Variants in MBNL1 observed in about 807,000 individuals in gnomAD.
The protein encoded by MBNL1 is muscleblind like splicing regulator 1.
A neutral mutation model predicts 42.2 loss-of-function variants in MBNL1; 8 were observed. The ratio of observed to expected loss-of-function variants is 0.19; its 90% CI spans 0.11 to 0.34. The LOEUF (loss-of-function observed/expected upper bound fraction) is 0.34, where lower values mean the gene tolerates loss of function less well. Among genes scored for constraint, MBNL1 ranks in the 10% least tolerant of loss-of-function variants. MBNL1 has a pLI of 1.00. For missense variants in MBNL1, 309 were observed against 495.3 expected (o/e 0.62, Z 3.57); for synonymous variants, 169 against 173.9 (o/e 0.97, Z 0.22).
chr3:152,271,190 A>G (rs1225611821), intron 1 of MBNL1, among the ~76,000 whole-genome samples: 1 of 152,202 alleles, frequency 6.6e-6, no homozygotes, highest in African/African-American at 2.4e-5. Flanking sequence ...AGGCAAAGTT[A>G]GACTCCAAGT....
intron 3 of MBNL1, among the ~76,000 whole-genome samples, chr3:152,425,588 A>T (rs1465967366): frequency 6.6e-6 from 1 of 151,980 alleles, no homozygotes; most frequent in African/African-American, 2.4e-5. Flanking sequence ...AGCCTGGGTA[A>T]CAGAGAGAGG....
At chr3:152,301,170 T>C (rs1469705101) in intron 2 of MBNL1, among the ~76,000 whole-genome samples, 1 of 152,212 alleles carries the variant, frequency 6.6e-6, no homozygotes, top group Non-Finnish European at 1.5e-5. Context: ...CTTTAGTGTT[T>C]CTTGACATTC....
intron 2 of MBNL1, among the ~76,000 whole-genome samples, chr3:152,251,389 A>T (rs1322314332): frequency 1.3e-5 from 2 of 152,130 alleles, no homozygotes; most frequent in Non-Finnish European, 2.9e-5. Context: ...TGCATTACTC[A>T]AATCCTTTTT....
chr3:152,325,587 A>G (rs2079265656), intron 2 of MBNL1, among the ~76,000 whole-genome samples: 2 of 151,858 alleles, frequency 1.3e-5, no homozygotes, highest in South Asian at 2.1e-4. Context: ...TTTACATACT[A>G]TATATTTTTG....
chr3:152,459,480 TGA>T (rs1456042302), intron 9 of MBNL1, 135 bp downstream of exon 9: 5 of 425,832 alleles, frequency 1.2e-5, no homozygotes, highest in Non-Finnish European at 2.1e-5. Context: ...TAAATGGGTG[TGA>T]GGAATTTTAT....
intron 2 of MBNL1, among the ~76,000 whole-genome samples, chr3:152,411,265 T>C (rs2098556525): frequency 6.6e-6 from 1 of 152,216 alleles, no homozygotes; most frequent in Admixed American, 6.5e-5. Context: ...CTCACACCTA[T>C]AATCCCAGCA....
intron 1 of MBNL1, among the ~76,000 whole-genome samples, chr3:152,295,538 A>T (rs1346294237): frequency 6.6e-6 from 1 of 152,220 alleles, no homozygotes; most frequent in African/African-American, 2.4e-5. Context: ...CATTTTAAAA[A>T]AAGATCTGTT....
intron 2 of MBNL1, among the ~76,000 whole-genome samples, chr3:152,387,426 A>G (rs2153449397): frequency 6.6e-6 from 1 of 152,250 alleles, no homozygotes; most frequent in East Asian, 1.9e-4. Flanking sequence ...TTAAAATCAA[A>G]TTTGTCTTCT....
rs777778188 is a variant in MBNL1, at chr3:152,447,691, A to G, written c.879A>G (p.Ala293=). 13 of 1,613,940 alleles carry G rather than the reference A, an allele frequency of 8.1e-6. No individual in the cohort carries two copies. The Admixed American group carries it at 2.2e-4, about 27-fold the overall frequency. The change falls in exon 6 of 10, where the codon GCA becomes GCG. Residue 293 remains alanine (A), a synonymous_variant. Transcript: ENST00000324210. ...PALEKTNGAT[A]VFNTGIFQYQ... ...TTGAAAAAACCAACGGTGCCACCGC[A>G]GTCTTTAACACTGGTATTTTCCAAT...
chr3:152,418,630 A>AAAAAG (rs1553917169), intron 3 of MBNL1, among the ~76,000 whole-genome samples: 1 of 145,494 alleles, frequency 6.9e-6, no homozygotes, highest in African/African-American at 2.6e-5. Flanking sequence ...AAAAAAAAAA[A>AAAAAG]AGAGAGAGAG....
intron 2 of MBNL1, among the ~76,000 whole-genome samples, chr3:152,323,597 T>C (rs752718863): frequency 5.8e-4 from 89 of 152,294 alleles, no homozygotes; most frequent in Non-Finnish European, 1.1e-3. Flanking sequence ...ACATCTAGGC[T>C]GTATAGTACG....
intron 2 of MBNL1, among the ~76,000 whole-genome samples, chr3:152,352,287 C>G (rs1290420057): frequency 6.6e-6 from 1 of 152,178 alleles, no homozygotes; most frequent in African/African-American, 2.4e-5. Context: ...AAAATTATTA[C>G]TATCACTAAT....
chr3:152,340,283 C>G (rs2092793377), intron 2 of MBNL1: 1 of 437,496 alleles, frequency 2.3e-6, no homozygotes, highest in South Asian at 3.4e-5. Context: ...GCACCCCAGC[C>G]TGGGCAATAG....
intron 4 of MBNL1, among the ~76,000 whole-genome samples, chr3:152,440,057 A>G (rs1450194665): frequency 6.6e-6 from 1 of 152,106 alleles, no homozygotes; most frequent in Admixed American, 6.6e-5. Flanking sequence ...TTATGTTTTT[A>G]TAAGAGATCA....
chr3:152,452,591 A>G (rs775761326), intron 6 of MBNL1, among the ~76,000 whole-genome samples: 12 of 152,120 alleles, frequency 7.9e-5, no homozygotes, highest in Non-Finnish European at 1.5e-4. Context: ...TTCCTTGTCT[A>G]TGCCCTCCAG....
intron 2 of MBNL1, among the ~76,000 whole-genome samples, chr3:152,311,426 C>A (rs939804923): frequency 3.3e-5 from 5 of 152,108 alleles, no homozygotes; most frequent in African/African-American, 1.2e-4. Flanking sequence ...CTTTGTAAAT[C>A]TTTACAAGTT....
chr3:152,268,855 G>T, upstream of MBNL1: 1 of 453,316 alleles, frequency 2.2e-6, no homozygotes, highest in Non-Finnish European at 4.4e-6. Context: ...GGGGCTGGGC[G>T]GGCGGGGGAG....
At chr3:152,331,999 C>G (rs942126925) in intron 2 of MBNL1, among the ~76,000 whole-genome samples, 52 of 152,132 alleles carry the variant, frequency 3.4e-4, no homozygotes, top group African/African-American at 1.3e-3. Context: ...GCCTTGATAC[C>G]TCTTTAAAAA....
chr3:152,385,544 A>G (rs1248153362), intron 2 of MBNL1, among the ~76,000 whole-genome samples: 3 of 152,092 alleles, frequency 2.0e-5, no homozygotes, highest in Admixed American at 1.3e-4. Flanking sequence ...GAAGTATTCT[A>G]TGGAGTACCT....
Sources: allele counts gnomAD v4.1 joint callset (sites outside exome capture counted in the v4.1 genomes callset), GRCh38; gene constraint gnomAD v4.1.1; transcripts MANE v1.5; gene names NCBI Gene and HGNC (gene_info 2026-07-23, HGNC 2026-07-21).